KDM4C: variants seen among roughly 807,000 people sequenced by gnomAD.
KDM4C encodes lysine-specific demethylase 4C.
KDM4C carries 81 observed loss-of-function variants against 129.3 expected under a neutral mutation model. That is an observed-to-expected ratio of 0.63 (90% CI 0.52 to 0.75). KDM4C has a LOEUF of 0.75. KDM4C is among the 30% of genes least tolerant of loss of function. The pLI, the probability that KDM4C is intolerant of heterozygous loss-of-function variation, is 0.00. For missense variants in KDM4C, 1,457 were observed against 1,304.0 expected (o/e 1.12, Z -1.81); for synonymous variants, 573 against 456.1 (o/e 1.26, Z -3.26).
intron 1 of KDM4C, among the ~76,000 whole-genome samples, chr9:6,783,742 G>C (rs1824867664): frequency 6.6e-6 from 1 of 152,174 alleles, no homozygotes; most frequent in African/African-American, 2.4e-5. Flanking sequence ...GCTGCAGAAG[G>C]GTTGGTAAGA....
intron 1 of KDM4C, among the ~76,000 whole-genome samples, chr9:6,763,325 C>G (rs1316241333): frequency 6.6e-6 from 1 of 152,166 alleles, no homozygotes; most frequent in African/African-American, 2.4e-5. Flanking sequence ...ACTGCTACCC[C>G]AGTTGCACTT....
intron 8 of KDM4C, among the ~76,000 whole-genome samples, chr9:6,923,505 T>C (rs1462810314): frequency 3.9e-5 from 6 of 152,208 alleles, no homozygotes; most frequent in Admixed American, 3.3e-4. Context: ...AGTGAATGAC[T>C]GAATGATTAC....
chr9:6,985,024 A>G (rs1036017763), intron 10 of KDM4C, among the ~76,000 whole-genome samples: 2 of 152,072 alleles, frequency 1.3e-5, no homozygotes, highest in Admixed American at 6.5e-5. Flanking sequence ...TGTTCCTCTC[A>G]TACTTCTCAT....
At chr9:6,936,624 G>T (rs1182857315) in intron 8 of KDM4C, among the ~76,000 whole-genome samples, 2 of 152,158 alleles carry the variant, frequency 1.3e-5, no homozygotes, top group Admixed American at 6.5e-5. Context: ...TCATTCTGAT[G>T]AATGAGAATG....
At chr9:7,091,010 G>A (rs1244975575) in intron 17 of KDM4C, among the ~76,000 whole-genome samples, 3 of 152,182 alleles carry the variant, frequency 2.0e-5, no homozygotes, top group Non-Finnish European at 4.4e-5. Flanking sequence ...TTTATGGGCA[G>A]GTGGGCCAGG....
At chr9:7,161,977 C>T (rs1478433049) in intron 19 of KDM4C, among the ~76,000 whole-genome samples, 1 of 152,172 alleles carries the variant, frequency 6.6e-6, no homozygotes, top group Non-Finnish European at 1.5e-5. Context: ...GAAATAAGCT[C>T]TTTTATGTTT....
intron 8 of KDM4C, among the ~76,000 whole-genome samples, chr9:6,923,080 G>T (rs1046732820): frequency 2.6e-5 from 4 of 152,000 alleles, no homozygotes; most frequent in Non-Finnish European, 5.9e-5. Context: ...TATTTTATGG[G>T]TATTTATTTG....
chr9:7,089,395 CAGT>C (rs1342313858), intron 17 of KDM4C, among the ~76,000 whole-genome samples: 2 of 152,132 alleles, frequency 1.3e-5, no homozygotes, highest in African/African-American at 4.8e-5. Context: ...AGTATTGACT[CAGT>C]GGTATTTGTA....
intron 4 of KDM4C, among the ~76,000 whole-genome samples, chr9:6,818,172 T>C (rs1832466024): frequency 1.3e-5 from 2 of 152,084 alleles, no homozygotes; most frequent in African/African-American, 2.4e-5. Context: ...CACCAAAGAG[T>C]TGAGAAGGTT....
At chr9:6,938,164 T>C (rs1207105414) in intron 8 of KDM4C, among the ~76,000 whole-genome samples, 2 of 152,144 alleles carry the variant, frequency 1.3e-5, no homozygotes, top group African/African-American at 2.4e-5. Flanking sequence ...CTCCAGCCAA[T>C]GTTTGCATGT....
chr9:7,111,991 C>G (rs1309160766), intron 18 of KDM4C, among the ~76,000 whole-genome samples: 1 of 151,986 alleles, frequency 6.6e-6, no homozygotes, highest in Non-Finnish European at 1.5e-5. Flanking sequence ...GCAAGACCCA[C>G]AGGTACTCAG....
chr9:6,784,187 A>G (rs904869248), intron 1 of KDM4C, among the ~76,000 whole-genome samples: 1 of 152,070 alleles, frequency 6.6e-6, no homozygotes, highest in African/African-American at 2.4e-5. Flanking sequence ...ATGTTACCCC[A>G]TTTTACTGAT....
chr9:7,076,351 C>A (rs972304474), intron 17 of KDM4C: 2 of 942,642 alleles, frequency 2.1e-6, no homozygotes, highest in South Asian at 1.4e-5. Context: ...TAGTTTGTCT[C>A]ATGCTAAAGC....
chr9:7,129,362 T>G (rs1840371472), intron 19 of KDM4C, among the ~76,000 whole-genome samples: 2 of 152,200 alleles, frequency 1.3e-5, no homozygotes, highest in Admixed American at 6.5e-5. Context: ...AAAAGTGACC[T>G]TATTTGAAAG....
chr9:6,891,144 G>C (rs193073178), intron 7 of KDM4C, among the ~76,000 whole-genome samples: 2 of 152,302 alleles, frequency 1.3e-5, no homozygotes, highest in East Asian at 3.9e-4. Context: ...TAGGGGATGG[G>C]CAGGGGATGG....
At chr9:6,833,750 C>G (rs780929402) in intron 4 of KDM4C, among the ~76,000 whole-genome samples, 1 of 152,182 alleles carries the variant, frequency 6.6e-6, no homozygotes, top group Non-Finnish European at 1.5e-5. Flanking sequence ...CAAAGCAAGA[C>G]AGAAGTCTCC....
At chr9:6,971,822 G>A (rs1832033220) in intron 8 of KDM4C, among the ~76,000 whole-genome samples, 1 of 152,048 alleles carries the variant, frequency 6.6e-6, no homozygotes, top group African/African-American at 2.4e-5. Flanking sequence ...TAGAAATGAG[G>A]GAAGTTATTG....
chr9:7,013,704 A>T, intron 13 of KDM4C, 84 bp from the exon 14 acceptor site: 1 of 1,284,326 alleles, frequency 7.8e-7, no homozygotes, highest in Non-Finnish European at 1.1e-6. Flanking sequence ...TAGTGTCTGG[A>T]ACAGGAGTTA....
chr9:7,028,244 G>C (rs532427054), intron 15 of KDM4C, among the ~76,000 whole-genome samples: 58 of 151,954 alleles, frequency 3.8e-4, no homozygotes, highest in Non-Finnish European at 6.6e-4. Context: ...AGGCTCACGG[G>C]GTACCATCTG....
Sources: gnomAD v4.1 joint callset for allele counts (sites outside exome capture counted in the v4.1 genomes callset) on GRCh38, gnomAD v4.1.1 for gene constraint, MANE v1.5 for transcripts, NCBI Gene and HGNC (gene_info 2026-07-23, HGNC 2026-07-21) for gene names.